SUGT1: variants seen among roughly 807,000 people sequenced by gnomAD.
The protein encoded by SUGT1 is protein SGT1 homolog.
A neutral mutation model predicts 56.1 loss-of-function variants in SUGT1; 15 were observed. The observed-to-expected ratio is 0.27, with a 90% CI of 0.18 to 0.41. The LOEUF is 0.41. Ranked by LOEUF, SUGT1 falls within the 10% of genes least tolerant of loss-of-function variation. The pLI is 1.00. For synonymous variants in SUGT1, 123 were observed against 128.6 expected (o/e 0.96, Z 0.30); for missense variants, 347 against 382.2 (o/e 0.91, Z 0.77).
intron 2 of SUGT1, among the ~76,000 whole-genome samples, chr13:52,655,991 G>A (rs985158585): frequency 7.2e-5 from 11 of 152,150 alleles, no homozygotes; most frequent in Admixed American, 6.5e-4. Context: ...GTTTTTAAGA[G>A]GCAGCAGAAT....
intron 3 of SUGT1, 61 bp from the exon 4 acceptor site, chr13:52,658,338 G>A: frequency 3.1e-6 from 5 of 1,597,634 alleles, no homozygotes; most frequent in Non-Finnish European, 4.3e-6. Flanking sequence ...TGATTCATAT[G>A]TTGTGTGTAT....
chr13:52,680,452 C>CA (rs1273960280), intron 12 of SUGT1, among the ~76,000 whole-genome samples: 3 of 152,144 alleles, frequency 2.0e-5, no homozygotes, highest in Admixed American at 2.0e-4. Flanking sequence ...TCTGTTGTTT[C>CA]CCTTCTAGAC....
Position 52,665,639 on chromosome 13 carries a change from A to G in SUGT1, c.425A>G (p.Tyr142Cys), listed in dbSNP as rs1962665844. 1.3e-6 allele frequency: 2 copies of G among 1,566,768 alleles called. No individual in the cohort carries two copies. Among genetic ancestry groups the G allele is most frequent in the Admixed American group, 2.1e-5 (1 of 47,258 alleles). Reference sequence around the variant, plus strand: ...AGTTTCTTTTTTTTTTTTAATAGGTATGACTGGTATCAAACAGAATCTCAA... The same window carrying G: ...AGTTTCTTTTTTTTTTTTAATAGGTGTGACTGGTATCAAACAGAATCTCAA... ...EVWTHQSKIK[Y>C]DWYQTESQVV... Residue 142 changes from tyrosine (Y) to cysteine (C), a missense_variant and splice_region_variant, in exon 9 of 13, where the codon TAT becomes TGT. Coordinates refer to ENST00000310528, the MANE Select transcript of SUGT1 (RefSeq NM_006704.5).
At chr13:52,671,670 G>T (rs766072467) in intron 10 of SUGT1, among the ~76,000 whole-genome samples, 4 of 152,216 alleles carry the variant, frequency 2.6e-5, no homozygotes, top group African/African-American at 9.6e-5. Context: ...TGCCAGACGT[G>T]GTTCTTTATT....
intron 12 of SUGT1, 117 bp downstream of exon 12, chr13:52,680,272 A>G: frequency 1.1e-6 from 1 of 925,144 alleles, no homozygotes; most frequent in Non-Finnish European, 1.6e-6. Flanking sequence ...CTTTTTGAAT[A>G]AGGTCTGTCT....
At chr13:52,667,781 C>G (rs1264424616) in intron 10 of SUGT1, among the ~76,000 whole-genome samples, 1 of 152,032 alleles carries the variant, frequency 6.6e-6, no homozygotes, top group Non-Finnish European at 1.5e-5. Flanking sequence ...AAATCTGACT[C>G]TGGATCTTTG....
At chr13:52,671,501 C>T (rs1367557698) in intron 10 of SUGT1, among the ~76,000 whole-genome samples, 1 of 152,092 alleles carries the variant, frequency 6.6e-6, no homozygotes, top group Non-Finnish European at 1.5e-5. Flanking sequence ...ACATTCCAGG[C>T]ACTGTACTAT....
At chr13:52,679,403 C>T (rs1594251376) in intron 11 of SUGT1, among the ~76,000 whole-genome samples, 1 of 152,156 alleles carries the variant, frequency 6.6e-6, no homozygotes, top group Non-Finnish European at 1.5e-5. Context: ...TTAGAAATTA[C>T]TTACTGTTAT....
intron 2 of SUGT1, among the ~76,000 whole-genome samples, chr13:52,654,126 G>A (rs1412731286): frequency 2.0e-5 from 3 of 152,224 alleles, no homozygotes; most frequent in African/African-American, 4.8e-5. Flanking sequence ...ATTTGATTAA[G>A]AGAGGTTGGA....
rs1422280793 is a variant in SUGT1, at chr13:52,682,174, TAAAA to T, written c.900+2020_900+2023del. Among the ~76,000 whole-genome samples, 4 of 152,158 alleles carry T rather than the reference TAAAA, an allele frequency of 2.6e-5. No homozygotes were observed. In the South Asian group the frequency reaches 6.2e-4, roughly 24 times the overall value. ...GACTCTCTCCTATTTAAAAAATAAATAAAAGTAATATTGTTTTACATATTACATT... is the reference window on the plus strand; with the variant it reads ...GACTCTCTCCTATTTAAAAAATAAATGTAATATTGTTTTACATATTACATT... On this transcript the variant is annotated intron_variant, in intron 12 of 12. Transcript: ENST00000310528.
In SUGT1 at chr13:52,688,909, C is replaced by G. The variant is rs921946756; in HGVS notation, c.*1074C>G. 1.3e-5 allele frequency: 2 copies of G among 152,132 alleles called. No homozygotes were observed. The highest frequency in any genetic ancestry group is 4.8e-5 in the African/African-American group (2 of 41,432). The allele number at this position is 152,132 out of a possible 1,614,324, so 9.4% of individuals were successfully genotyped here. On this transcript the variant is annotated 3_prime_UTR_variant, in exon 13 of 13. Coordinates refer to ENST00000310528, the MANE Select transcript of SUGT1 (RefSeq NM_006704.5). Reference sequence around the variant, plus strand: ...TTCTGTGATTAAAATTGTTTACAGTCTAGGCTGTTATAAAGTATAGACTAT... The same window carrying G: ...TTCTGTGATTAAAATTGTTTACAGTGTAGGCTGTTATAAAGTATAGACTAT...
rs1219595259 is a variant in SUGT1, at chr13:52,677,160, C to CT, written c.718+841dup. On this transcript the variant is annotated intron_variant, in intron 11 of 12. Transcript: ENST00000310528. ...TCCTTGTGGCACCTTTTAGAAAACA[C>CT]TGAGTTATTCAACAGATCATTTGTG... Among the ~76,000 whole-genome samples, 21 of 152,210 alleles carry CT rather than the reference C, an allele frequency of 1.4e-4. No individual in the cohort carries two copies. In the East Asian group the frequency reaches 3.9e-3, roughly 28 times the overall value.
chr13:52,689,004 C>T lies in SUGT1; in HGVS notation c.*1169C>T, dbSNP rs917128145. ...CAACTGTAATACCCCAGATGTTGGT[C>T]TCAGCTCTGTTAGGTGTCACTAACA... is the stretch of plus-strand genomic sequence containing the variant. On this transcript the variant is annotated 3_prime_UTR_variant, in exon 13 of 13. Coordinates refer to ENST00000310528, the MANE Select transcript of SUGT1 (RefSeq NM_006704.5). 1 of 152,158 alleles carries T rather than the reference C, an allele frequency of 6.6e-6. No homozygotes were observed. The highest frequency in any genetic ancestry group is 2.4e-5 in the African/African-American group (1 of 41,430). 9.4% of individuals were successfully genotyped at this position (152,158 alleles called of 1,614,324 possible).
intron 5 of SUGT1, among the ~76,000 whole-genome samples, chr13:52,661,721 T>C (rs1962465644): frequency 6.6e-6 from 1 of 152,242 alleles, no homozygotes; most frequent in African/African-American, 2.4e-5. Flanking sequence ...CTTAAAATAA[T>C]AGGTTACTCA....
chr13:52,660,277 A>C (rs1962379787), intron 5 of SUGT1, among the ~76,000 whole-genome samples: 1 of 152,170 alleles, frequency 6.6e-6, no homozygotes, highest in Non-Finnish European at 1.5e-5. Flanking sequence ...GTGGTTCTTA[A>C]CTGGAAACGG....
chr13:52,676,430 A>G (rs1963146458), intron 11 of SUGT1, 110 bp downstream of exon 11: 2 of 902,716 alleles, frequency 2.2e-6, no homozygotes, highest in Non-Finnish European at 3.2e-6. Flanking sequence ...TCAAGATAAG[A>G]TACATTGAGT....
At chr13:52,680,255 G>A (rs745653561) in intron 12 of SUGT1, 100 bp downstream of exon 12, 612 of 1,154,138 alleles carry the variant, frequency 5.3e-4, no homozygotes, top group Non-Finnish European at 6.1e-4. Context: ...TACTATAGCT[G>A]GGAGAACTTT....
At chr13:52,653,932 C>T (rs1962039472) in intron 2 of SUGT1, among the ~76,000 whole-genome samples, 2 of 152,162 alleles carry the variant, frequency 1.3e-5, no homozygotes, top group Admixed American at 1.3e-4. Context: ...AAATGTGCCA[C>T]ATGGTACTAG....
intron 2 of SUGT1, among the ~76,000 whole-genome samples, chr13:52,656,023 A>AT (rs1237088197): frequency 1.3e-5 from 2 of 152,202 alleles, no homozygotes; most frequent in Non-Finnish European, 2.9e-5. Context: ...AGGCCTGGTT[A>AT]TTATTGTCAA....
Sources: allele counts gnomAD v4.1 joint callset (sites outside exome capture counted in the v4.1 genomes callset), GRCh38; gene constraint gnomAD v4.1.1; transcripts MANE v1.5; gene names NCBI Gene and HGNC (gene_info 2026-07-23, HGNC 2026-07-21).